Variants in PTPRF observed in about 807,000 individuals in gnomAD.
PTPRF encodes the protein receptor-type tyrosine-protein phosphatase F.
Under a neutral mutation model 201.8 loss-of-function variants are expected in PTPRF, and 59 were observed. The observed-to-expected ratio is 0.29, with a 90% CI of 0.24 to 0.36. PTPRF has a LOEUF of 0.36. Among genes scored for constraint, PTPRF ranks in the 10% least tolerant of loss-of-function variants. PTPRF has a pLI of 1.00. For synonymous variants in PTPRF, 1,088 were observed against 1,089.7 expected, an observed-to-expected ratio of 1.00 and a Z score of 0.03; for missense variants, 2,132 against 2,690.5, an observed-to-expected ratio of 0.79 and a Z score of 4.59.
chr1:43,546,264 C>T lies in PTPRF; in HGVS notation c.91+1098C>T, dbSNP rs1273780375. On this transcript the variant is annotated intron_variant, in intron 3 of 33. Transcript: ENST00000359947. The surrounding 1 kb of genome is among the most constrained non-coding windows in gnomAD (Gnocchi z 4.2). The stretch of plus-strand genomic sequence containing the variant: ...TGGTCCCGCCCTTTGTCCTCAAGTG[C>T]TGGGTCCTGGGTGGAGCTAGAAGGG... 2.6e-5 allele frequency among the ~76,000 whole-genome samples: 4 copies of T among 152,144 alleles called. No homozygotes were observed. Among genetic ancestry groups the T allele is most frequent in the Non-Finnish European group, 4.4e-5 (3 of 68,022 alleles).
intron 20 of PTPRF, 46 bp from the exon 21 acceptor site, chr1:43,606,768 G>T (rs544182799): frequency 1.3e-6 from 2 of 1,597,598 alleles, no homozygotes; most frequent in African/African-American, 1.3e-5. Flanking sequence ...AGGGTGGGGG[G>T]TTCTCACGCT....
chr1:43,613,624 G>A lies in PTPRF; in HGVS notation c.3980G>A (p.Arg1327Gln), dbSNP rs1163354852. 7 of 1,613,948 alleles carry A rather than the reference G, an allele frequency of 4.3e-6. No homozygotes were observed. In the Admixed American group the frequency reaches 5.0e-5, roughly 12 times the overall value. Residue 1327 changes from arginine (R) to glutamine (Q), a missense_variant, in exon 23 of 34, where the codon CGA becomes CAA. Transcript: ENST00000359947. ...TATGCCCTACCTCCCCTAGGTATGC[G>A]AGACCACCCACCCATCCCCATCACC... ...RRLNYQTPGM[R>Q]DHPPIPITDL...
chr1:43,583,896 C>CT (rs1648421365), intron 7 of PTPRF, among the ~76,000 whole-genome samples: 1 of 152,256 alleles, frequency 6.6e-6, no homozygotes, highest in African/African-American at 2.4e-5. Context: ...AGCCAGCTAA[C>CT]TGACATTCCT....
chr1:43,531,347 C>CCGCCGCCCCT (rs1191144597), intron 1 of PTPRF, among the ~76,000 whole-genome samples: 2 of 148,842 alleles, frequency 1.3e-5, no homozygotes, highest in East Asian at 4.0e-4. Context: ...GGCTCGCTCC[C>CCGCCGCCCCT]CGCCGCCCCT....
At chr1:43,595,890 T>C (rs1170833690) in intron 11 of PTPRF, among the ~76,000 whole-genome samples, 1 of 151,734 alleles carries the variant, frequency 6.6e-6, no homozygotes, top group African/African-American at 2.4e-5. Flanking sequence ...GACTGTTTCA[T>C]GTGAGGTGGC....
chr1:43,560,054 T>C (rs1230564228), intron 5 of PTPRF, among the ~76,000 whole-genome samples: 4 of 149,460 alleles, frequency 2.7e-5, no homozygotes, highest in South Asian at 4.3e-4. Context: ...TTTGCAGGGG[T>C]GTACAGCAAG....
Position 43,554,175 on chromosome 1 carries a change from G to C in PTPRF, c.379+234G>C, listed in dbSNP as rs543040857. Reference sequence around the variant, plus strand: ...TGATGCCTTTGTATTCTCCTGCTGAGCCGGGTCGTTGGTTGGGTGGGGTCT... The same window carrying C: ...TGATGCCTTTGTATTCTCCTGCTGACCCGGGTCGTTGGTTGGGTGGGGTCT... On this transcript the variant is annotated intron_variant, in intron 5 of 33. Transcript: ENST00000359947. The surrounding 1 kb of genome is among the most constrained non-coding windows in gnomAD (Gnocchi z 4.1). Among the ~76,000 whole-genome samples, 124 of 152,326 alleles carry C rather than the reference G, an allele frequency of 8.1e-4. 1 individual carries two copies. The highest frequency in any genetic ancestry group is 6.8e-3 in the Middle Eastern group (2 of 294).
chr1:43,563,177 CAAA>C (rs61595608), intron 5 of PTPRF, among the ~76,000 whole-genome samples: 90,666 of 133,882 alleles, frequency 0.68, 30,624 homozygotes, highest in East Asian at 0.78. Context: ...GACTCCATCT[CAAA>C]AAAAAAAAAA....
At chr1:43,548,528 C>G (rs952446417) in intron 3 of PTPRF, among the ~76,000 whole-genome samples, 2 of 152,162 alleles carry the variant, frequency 1.3e-5, no homozygotes, top group Non-Finnish European at 2.9e-5. Flanking sequence ...GTTGCTTTCT[C>G]TCTCTGGGCC....
At chr1:43,606,608 C>A in intron 20 of PTPRF, 150 bp downstream of exon 20, 1 of 1,100,432 alleles carries the variant, frequency 9.1e-7, no homozygotes, top group Non-Finnish European at 1.3e-6. Flanking sequence ...AGATCTGTCC[C>A]GGGGATCCTA....
At chr1:43,527,422 C>T (rs907231672), upstream of PTPRF, among the ~76,000 whole-genome samples, 1 of 152,248 alleles carries the variant, frequency 6.6e-6, no homozygotes, top group African/African-American at 2.4e-5. Context: ...GGCTTTGGCA[C>T]CTAGGCCTCT....
intron 7 of PTPRF, among the ~76,000 whole-genome samples, chr1:43,587,705 C>T (rs1294867440): frequency 6.6e-6 from 1 of 152,172 alleles, no homozygotes. Flanking sequence ...CGCCTTTGGC[C>T]CTGCGTGTGA....
chr1:43,523,338 A>G (rs1041079527), upstream of PTPRF, among the ~76,000 whole-genome samples: 3 of 152,172 alleles, frequency 2.0e-5, no homozygotes, highest in Non-Finnish European at 4.4e-5. Flanking sequence ...CGGCAGATGG[A>G]CAGTACTCAA....
chr1:43,612,762 C>T (rs1656776563), intron 22 of PTPRF: 1 of 1,365,452 alleles, frequency 7.3e-7, no homozygotes, highest in Non-Finnish European at 9.8e-7. Context: ...GTTTTTTTCT[C>T]TGCAGGTTCC....
chr1:43,588,611 C>A lies in PTPRF; in HGVS notation c.680-120C>A. ...CTGGGGTCTGGCGGTGCCACCCCTC[C>A]TGTCTCTGAGCATGGGTTTGGCTCT... is the stretch of plus-strand genomic sequence containing the variant. On this transcript the variant is annotated intron_variant, in intron 7 of 33. Transcript: ENST00000359947. This position sits in a 1 kb window ranked among gnomAD's most constrained non-coding sequence, Gnocchi z 5.3. The A allele has an allele frequency of 7.5e-7, 1 of 1,334,254 alleles. No individual in the cohort carries two copies. Among genetic ancestry groups the A allele is most frequent in the Non-Finnish European group, 1.0e-6 (1 of 990,056 alleles). 82.7% of individuals were successfully genotyped at this position (1,334,254 alleles called of 1,614,324 possible).
At chr1:43,584,057 C>G (rs1648476684) in intron 7 of PTPRF, among the ~76,000 whole-genome samples, 1 of 152,196 alleles carries the variant, frequency 6.6e-6, no homozygotes, top group South Asian at 2.1e-4. Context: ...TGTCCTTGAG[C>G]CCATTCCAGA....
intron 2 of PTPRF, among the ~76,000 whole-genome samples, chr1:43,538,827 G>A (rs972252770): frequency 3.3e-5 from 5 of 152,166 alleles, no homozygotes; most frequent in Non-Finnish European, 1.5e-5. Flanking sequence ...TCTCCTCTCT[G>A]TCTGTTAGAA....
chr1:43,577,567 C>T (rs1338284118), intron 6 of PTPRF, among the ~76,000 whole-genome samples: 1 of 152,198 alleles, frequency 6.6e-6, no homozygotes, highest in East Asian at 1.9e-4. Context: ...ATAGGTCAGA[C>T]CCAGGGTGGT....
At chr1:43,601,437 TCA>T (rs1394697472) in intron 13 of PTPRF, among the ~76,000 whole-genome samples, 1 of 152,264 alleles carries the variant, frequency 6.6e-6, no homozygotes, top group African/African-American at 2.4e-5. Context: ...AGCTTGGCAC[TCA>T]CAGCCTTCAT....
Sources: allele counts gnomAD v4.1 joint callset (sites outside exome capture counted in the v4.1 genomes callset), GRCh38; gene constraint gnomAD v4.1.1; non-coding constraint Gnocchi (gnomAD v3.1); transcripts MANE v1.5; gene names NCBI Gene and HGNC (gene_info 2026-07-23, HGNC 2026-07-21).